ROR2: variants seen among roughly 807,000 people sequenced by gnomAD.
The protein encoded by ROR2 is tyrosine-protein kinase transmembrane receptor ROR2.
Under a neutral mutation model 74.9 loss-of-function variants are expected in ROR2, and 33 were observed. That is an observed-to-expected ratio of 0.44 (90% CI 0.33 to 0.59). ROR2 has a LOEUF of 0.59. Among genes scored for constraint, ROR2 ranks in the 20% least tolerant of loss-of-function variants. The pLI is 0.02. For synonymous variants in ROR2, 586 were observed against 558.7 expected, an observed-to-expected ratio of 1.05 and a Z score of -0.69; for missense variants, 1,216 against 1,313.8, an observed-to-expected ratio of 0.93 and a Z score of 1.15.
At chr9:91,907,057 T>C (rs1260634780) in intron 1 of ROR2, among the ~76,000 whole-genome samples, 3 of 152,156 alleles carry the variant, frequency 2.0e-5, no homozygotes, top group African/African-American at 4.8e-5. Context: ...TAACTCCCCA[T>C]TGGATTTCAT....
chr9:91,917,345 C>T (rs1256952972), intron 1 of ROR2, among the ~76,000 whole-genome samples: 2 of 152,106 alleles, frequency 1.3e-5, no homozygotes, highest in Admixed American at 6.5e-5. Flanking sequence ...GAAGAAGATA[C>T]GTGCAGAGAA....
chr9:91,937,371 G>A (rs1385484746), intron 1 of ROR2, among the ~76,000 whole-genome samples: 1 of 152,042 alleles, frequency 6.6e-6, no homozygotes, highest in African/African-American at 2.4e-5. Context: ...AAACCCAGAG[G>A]ATGAGGCGAG....
intron 1 of ROR2, among the ~76,000 whole-genome samples, chr9:91,908,362 G>A (rs1486470428): frequency 6.6e-6 from 1 of 152,206 alleles, no homozygotes; most frequent in Non-Finnish European, 1.5e-5. Flanking sequence ...CAACTCAGAA[G>A]GCCTTTTAAA....
intron 2 of ROR2, among the ~76,000 whole-genome samples, chr9:91,763,973 G>A (rs891666580): frequency 6.6e-5 from 10 of 152,174 alleles, no homozygotes; most frequent in African/African-American, 2.4e-4. Flanking sequence ...ATTCATGGCA[G>A]AGTTTTAAGT....
At chr9:91,875,031 C>T (rs573403346) in intron 1 of ROR2, among the ~76,000 whole-genome samples, 3 of 152,036 alleles carry the variant, frequency 2.0e-5, no homozygotes, top group South Asian at 4.2e-4. Context: ...AATTAACGGA[C>T]ACTTACATGA....
chr9:91,741,028 G>A (rs1049529904), intron 4 of ROR2, among the ~76,000 whole-genome samples: 3 of 152,230 alleles, frequency 2.0e-5, no homozygotes, highest in Non-Finnish European at 1.5e-5. Context: ...TCGGCCGGGT[G>A]CGGTGGCTCA....
intron 3 of ROR2, among the ~76,000 whole-genome samples, chr9:91,756,318 G>C (rs1209909262): frequency 6.6e-6 from 1 of 152,170 alleles, no homozygotes; most frequent in African/African-American, 2.4e-5. Flanking sequence ...TTTGTTTTTG[G>C]AGTTTTTGCT....
In ROR2 at chr9:91,937,008, C is replaced by T. The variant is rs868398439; in HGVS notation, c.97+12859G>A. ...TCCCGCCACTGCACTCCAGCCTGGG[C>T]GACAGAGCGAGACTCCGTCTCAAAA... On this transcript the variant is annotated intron_variant, in intron 1 of 8. Transcript: ENST00000375708. Among the ~76,000 whole-genome samples, 46 of 114,246 alleles carry T rather than the reference C, an allele frequency of 4.0e-4. No individual in the cohort carries two copies. In the South Asian group the frequency reaches 0.011, roughly 27 times the overall value. The allele number at this position is 114,246 out of a possible 152,430, so 74.9% of individuals were successfully genotyped here. A position where few individuals can be genotyped will look rare whatever the true frequency, so the allele number is the denominator to read the frequency against.
intron 1 of ROR2, among the ~76,000 whole-genome samples, chr9:91,815,443 CA>C (rs531696538): frequency 6.7e-5 from 10 of 149,268 alleles, no homozygotes; most frequent in Non-Finnish European, 8.9e-5. Flanking sequence ...ATACATGGGT[CA>C]AAAAAAAAGG....
At chr9:91,806,588 T>TTTTG (rs111898473) in intron 1 of ROR2, among the ~76,000 whole-genome samples, 4,617 of 151,978 alleles carry the variant, frequency 0.03, 237 homozygotes, top group African/African-American at 0.1. Context: ...ATCATATTAG[T>TTTTG]TTTGTTTGTT....
intron 1 of ROR2, among the ~76,000 whole-genome samples, chr9:91,811,133 C>A (rs182083407): frequency 6.6e-6 from 1 of 152,228 alleles, no homozygotes; most frequent in Admixed American, 6.5e-5. Flanking sequence ...AATGCCCATA[C>A]GAATCTTTCC....
chr9:91,934,224 T>C (rs1175772544), intron 1 of ROR2, among the ~76,000 whole-genome samples: 2 of 152,206 alleles, frequency 1.3e-5, no homozygotes, highest in Non-Finnish European at 2.9e-5. Context: ...TTTGGTTTTT[T>C]CTTGTTTTTT....
chr9:91,800,681 G>C (rs981817461), intron 1 of ROR2, among the ~76,000 whole-genome samples: 1 of 152,206 alleles, frequency 6.6e-6, no homozygotes, highest in Non-Finnish European at 1.5e-5. Flanking sequence ...CGAGGGACCA[G>C]AGCACAGCAC....
rs1830785069 is a variant in ROR2, at chr9:91,905,240, C to A, written c.97+44627G>T. Among the ~76,000 whole-genome samples, 1 of 151,792 alleles carries A rather than the reference C, an allele frequency of 6.6e-6. No homozygotes were observed. Among genetic ancestry groups the A allele is most frequent in the South Asian group, 2.1e-4 (1 of 4,790 alleles). ...CAAACACCACTCAACACAAACACCA[C>A]ATACAACACATACACAAACATCACA... On this transcript the variant is annotated intron_variant, in intron 1 of 8. Transcript: ENST00000375708. This position sits in a 1 kb window ranked among gnomAD's most constrained non-coding sequence, Gnocchi z 5.3.
intron 1 of ROR2, among the ~76,000 whole-genome samples, chr9:91,805,747 C>T (rs749741835): frequency 5.3e-5 from 8 of 152,142 alleles, no homozygotes; most frequent in South Asian, 2.1e-4. Flanking sequence ...TTCAACCCAA[C>T]GCCGAGGGGT....
chr9:91,827,530 A>G (rs1348526018), intron 1 of ROR2, among the ~76,000 whole-genome samples: 1 of 152,188 alleles, frequency 6.6e-6, no homozygotes, highest in Admixed American at 6.5e-5. Context: ...GCTATGATAC[A>G]CTTCCATCTG....
intron 4 of ROR2, among the ~76,000 whole-genome samples, chr9:91,742,997 G>A (rs1825298420): frequency 6.6e-6 from 1 of 152,134 alleles, no homozygotes; most frequent in Admixed American, 6.5e-5. Context: ...CTGTAGCCTA[G>A]GAGCAACAGG....
At chr9:91,804,777 T>C (rs527452325) in intron 1 of ROR2, among the ~76,000 whole-genome samples, 2 of 152,180 alleles carry the variant, frequency 1.3e-5, no homozygotes, top group Non-Finnish European at 2.9e-5. Flanking sequence ...ATGAGAAGCA[T>C]GAATGAGAAC....
At position 91,904,874 on chromosome 9, in the gene ROR2, G is replaced by A. The variant is rs374399573; in HGVS notation, c.97+44993C>T. 4.0e-4 allele frequency among the ~76,000 whole-genome samples: 61 copies of A among 152,086 alleles called. 1 individual carries two copies. In the South Asian group the frequency reaches 0.011, roughly 27 times the overall value. On this transcript the variant is annotated intron_variant, in intron 1 of 8. Transcript: ENST00000375708. The stretch of plus-strand genomic sequence containing the variant: ...GCCTCCATTCTGGCTTACTACCTGG[G>A]ACGGCTCCAAGGTGCACAGCTGCAG...
Sources: gnomAD v4.1 joint callset for allele counts (sites outside exome capture counted in the v4.1 genomes callset) on GRCh38, gnomAD v4.1.1 for gene constraint, Gnocchi (gnomAD v3.1) non-coding constraint, MANE v1.5 for transcripts, NCBI Gene and HGNC (gene_info 2026-07-23, HGNC 2026-07-21) for gene names.